CNTNAP2: variants seen among roughly 807,000 people sequenced by gnomAD.
CNTNAP2 encodes the protein contactin-associated protein-like 2.
CNTNAP2 carries 98 observed loss-of-function variants against 155.2 expected under a neutral mutation model. The ratio of observed to expected loss-of-function variants is 0.63; its 90% CI spans 0.54 to 0.75. CNTNAP2 has a LOEUF of 0.75. Among genes scored for constraint, CNTNAP2 ranks in the 30% least tolerant of loss-of-function variants. The probability of loss-of-function intolerance (pLI) is 0.00; values close to 1 mark genes in which losing one functional copy is unlikely to be tolerated. For missense variants in CNTNAP2, 1,727 were observed against 1,688.1 expected (o/e 1.02, Z -0.40); for synonymous variants, 651 against 631.2 (o/e 1.03, Z -0.47).
intron 1 of CNTNAP2, among the ~76,000 whole-genome samples, chr7:146,584,762 G>T (rs1798661354): frequency 6.6e-6 from 1 of 151,596 alleles, no homozygotes; most frequent in African/African-American, 2.4e-5. Context: ...CTAGGAGAAA[G>T]CCAAGGGCCT....
chr7:146,729,575 A>G (rs916910419), intron 1 of CNTNAP2, among the ~76,000 whole-genome samples: 3 of 151,712 alleles, frequency 2.0e-5, no homozygotes, highest in Non-Finnish European at 4.4e-5. Context: ...ATATATGTAT[A>G]TATATATTTA....
intron 13 of CNTNAP2, among the ~76,000 whole-genome samples, chr7:147,829,812 A>G (rs1336986106): frequency 6.6e-6 from 1 of 152,102 alleles, no homozygotes; most frequent in Non-Finnish European, 1.5e-5. Flanking sequence ...CAGAGTGACC[A>G]CCGGGCATCT....
intron 9 of CNTNAP2, among the ~76,000 whole-genome samples, chr7:147,378,888 C>T (rs1422632923): frequency 6.6e-6 from 1 of 151,830 alleles, no homozygotes; most frequent in Non-Finnish European, 1.5e-5. Context: ...GGCTGTGTTC[C>T]CACCCAAATC....
intron 3 of CNTNAP2, among the ~76,000 whole-genome samples, chr7:147,003,051 A>C (rs1197050529): frequency 1.3e-5 from 2 of 151,804 alleles, no homozygotes; most frequent in African/African-American, 4.8e-5. Context: ...TAGCATTATG[A>C]GGAAGAGAAG....
intron 13 of CNTNAP2, among the ~76,000 whole-genome samples, chr7:147,854,420 A>G (rs1381474610): frequency 6.6e-6 from 1 of 152,206 alleles, no homozygotes; most frequent in Non-Finnish European, 1.5e-5. Flanking sequence ...TCAGACAGAA[A>G]TCAAAACAGT....
At chr7:147,614,926 A>G (rs184465843) in intron 12 of CNTNAP2, among the ~76,000 whole-genome samples, 3 of 152,054 alleles carry the variant, frequency 2.0e-5, no homozygotes, top group Non-Finnish European at 4.4e-5. Flanking sequence ...CACTCCAAGT[A>G]TAAACCAAAC....
At position 147,712,223 on chromosome 7, in the gene CNTNAP2, G is replaced by A. The variant is rs374149064; in HGVS notation, c.2098+72917G>A. Among the ~76,000 whole-genome samples, 19 of 152,030 alleles carry A rather than the reference G, an allele frequency of 1.2e-4. No individual in the cohort carries two copies. In the East Asian group the frequency reaches 1.4e-3, roughly 11 times the overall value. On this transcript the variant is annotated intron_variant, in intron 13 of 23. Transcript: ENST00000361727. The stretch of plus-strand genomic sequence containing the variant: ...ACCATCTCACACCAGTTAGAATGGC[G>A]GTCATTAAAAAGTCAGGAAACAACA...
In CNTNAP2 at chr7:147,021,509, G is replaced by T. The variant is rs143777818; in HGVS notation, c.403-22398G>T. Among the ~76,000 whole-genome samples, 474 of 152,124 alleles carry T rather than the reference G, an allele frequency of 3.1e-3. 1 individual carries two copies. The highest frequency in any genetic ancestry group is 0.011 in the African/African-American group (457 of 41,508). On this transcript the variant is annotated intron_variant, in intron 3 of 23. Coordinates refer to ENST00000361727, the MANE Select transcript of CNTNAP2 (RefSeq NM_014141.6). Reference sequence around the variant, plus strand: ...AAAGATAAGACTATTATTCCCCTTAGCATGAATATTTTGTTTCTAATAATT... The same window carrying T: ...AAAGATAAGACTATTATTCCCCTTATCATGAATATTTTGTTTCTAATAATT...
chr7:146,130,214 C>A (rs1342741521), intron 1 of CNTNAP2, among the ~76,000 whole-genome samples: 1 of 152,196 alleles, frequency 6.6e-6, no homozygotes, highest in Non-Finnish European at 1.5e-5. Flanking sequence ...ATTATCCCAG[C>A]ACTTTGGGAG....
chr7:146,285,733 C>A (rs1221640376), intron 1 of CNTNAP2, among the ~76,000 whole-genome samples: 2 of 32,412 alleles, frequency 6.2e-5, no homozygotes, highest in African/African-American at 2.8e-4. Flanking sequence ...CCCTTCCCCT[C>A]CCCTCGCCTC....
intron 9 of CNTNAP2, among the ~76,000 whole-genome samples, chr7:147,381,267 G>C (rs982360892): frequency 1.3e-5 from 2 of 152,100 alleles, no homozygotes; most frequent in Admixed American, 6.6e-5. Context: ...GAGTTAGTCA[G>C]GGTCACACAA....
intron 1 of CNTNAP2, among the ~76,000 whole-genome samples, chr7:146,501,474 T>C (rs912418941): frequency 6.6e-6 from 1 of 152,188 alleles, no homozygotes; most frequent in Non-Finnish European, 1.5e-5. Context: ...TTGCCCATTT[T>C]CCCCAGTTTA....
At chr7:147,200,129 T>G (rs550231664) in intron 8 of CNTNAP2, among the ~76,000 whole-genome samples, 1 of 151,754 alleles carries the variant, frequency 6.6e-6, no homozygotes, top group African/African-American at 2.4e-5. Context: ...CCTGGTGTTC[T>G]CTTTACCCAC....
chr7:147,465,291 G>A (rs1798101721), intron 10 of CNTNAP2, among the ~76,000 whole-genome samples: 1 of 152,138 alleles, frequency 6.6e-6, no homozygotes, highest in Non-Finnish European at 1.5e-5. Context: ...ATCTTCACAT[G>A]CATAACTTGA....
intron 1 of CNTNAP2, among the ~76,000 whole-genome samples, chr7:146,389,010 C>G (rs1795501720): frequency 6.6e-6 from 1 of 151,936 alleles, no homozygotes; most frequent in South Asian, 2.1e-4. Context: ...AACTGGCTTT[C>G]CAAACAAATT....
intron 1 of CNTNAP2, among the ~76,000 whole-genome samples, chr7:146,680,479 CT>C: frequency 6.6e-6 from 1 of 152,242 alleles, no homozygotes; most frequent in African/African-American, 2.4e-5. Flanking sequence ...ATTACAGCAG[CT>C]GAAGAACTCT....
In CNTNAP2 at chr7:146,554,099, T is replaced by G. The variant is rs556169134; in HGVS notation, c.98-220172T>G. Among the ~76,000 whole-genome samples, 61 of 152,298 alleles carry G rather than the reference T, an allele frequency of 4.0e-4. 1 individual carries two copies. In the South Asian group the frequency reaches 0.012, roughly 30 times the overall value. Reference sequence around the variant, plus strand: ...TTCATATCCCTCAAGCTGATGAGAATGCAGTGTAACTAACGTTGAATCTAA... The same window carrying G: ...TTCATATCCCTCAAGCTGATGAGAAGGCAGTGTAACTAACGTTGAATCTAA... On this transcript the variant is annotated intron_variant, in intron 1 of 23. Coordinates refer to ENST00000361727, the MANE Select transcript of CNTNAP2 (RefSeq NM_014141.6).
intron 1 of CNTNAP2, among the ~76,000 whole-genome samples, chr7:146,569,487 G>T (rs1195255964): frequency 6.6e-6 from 1 of 152,176 alleles, no homozygotes; most frequent in Non-Finnish European, 1.5e-5. Flanking sequence ...ATTCCTCATG[G>T]ATATTCTCAT....
chr7:147,132,127 T>C, intron 7 of CNTNAP2, 118 bp from the exon 8 acceptor site: 1 of 1,322,800 alleles, frequency 7.6e-7, no homozygotes, highest in Non-Finnish European at 1.1e-6. Context: ...TGTGTGTGAG[T>C]TTAGCTTAGG....
Sources: allele counts gnomAD v4.1 joint callset (sites outside exome capture counted in the v4.1 genomes callset), GRCh38; gene constraint gnomAD v4.1.1; transcripts MANE v1.5; gene names NCBI Gene and HGNC (gene_info 2026-07-23, HGNC 2026-07-21).